The following ERC1 variants were observed in gnomAD, a reference collection of about 807,000 sequenced individuals.
The protein encoded by ERC1 is ELKS/RAB6-interacting/CAST family member 1, also known as RAB6 interacting protein 2.
Under a neutral mutation model 132.0 loss-of-function variants are expected in ERC1, and 56 were observed. The observed-to-expected ratio is 0.42, with a 90% CI of 0.34 to 0.53. ERC1 has a LOEUF of 0.53. Among genes scored for constraint, ERC1 ranks in the 20% least tolerant of loss-of-function variants. The probability of loss-of-function intolerance (pLI) is 0.03; values close to 1 mark genes in which losing one functional copy is unlikely to be tolerated. For missense variants in ERC1, 1,202 were observed against 1,349.9 expected, an observed-to-expected ratio of 0.89 and a Z score of 1.72; for synonymous variants, 478 against 476.1, an observed-to-expected ratio of 1.00 and a Z score of -0.05.
At chr12:1,451,820 A>C (rs531598536) in intron 18 of ERC1, among the ~76,000 whole-genome samples, 119 of 152,264 alleles carry the variant, frequency 7.8e-4, no homozygotes, top group African/African-American at 2.7e-3. Flanking sequence ...TCAGTACCTC[A>C]AAGTGTGACG....
At chr12:1,440,399 G>A (rs1342739305) in intron 17 of ERC1, among the ~76,000 whole-genome samples, 27 of 150,262 alleles carry the variant, frequency 1.8e-4, no homozygotes, top group Admixed American at 3.3e-4. Flanking sequence ...GTAGAGACGG[G>A]GTTTCACCGT....
chr12:1,366,624 A>AAGAG (rs1417266266), intron 15 of ERC1, among the ~76,000 whole-genome samples: 2 of 152,220 alleles, frequency 1.3e-5, no homozygotes, highest in African/African-American at 4.8e-5. Context: ...TTGCTATGGC[A>AAGAG]AGAGACCTAA....
At chr12:1,423,400 T>G (rs2092500321) in intron 17 of ERC1, among the ~76,000 whole-genome samples, 2 of 152,258 alleles carry the variant, frequency 1.3e-5, no homozygotes, top group African/African-American at 4.8e-5. Flanking sequence ...TTTGTTTATC[T>G]TTTAACAGCT....
intron 2 of ERC1, among the ~76,000 whole-genome samples, chr12:1,060,461 A>G (rs144396292): frequency 9.6e-4 from 146 of 152,210 alleles, no homozygotes; most frequent in South Asian, 1.7e-3. Context: ...TTTACTGAGA[A>G]TGATGGTTTC....
At chr12:1,474,722 C>T (rs1361038219) in intron 18 of ERC1, among the ~76,000 whole-genome samples, 1 of 152,126 alleles carries the variant, frequency 6.6e-6, no homozygotes, top group African/African-American at 2.4e-5. Context: ...GGCAGTTATC[C>T]TAACACTCAA....
At chr12:1,125,104 C>T (rs980788463) in intron 7 of ERC1, among the ~76,000 whole-genome samples, 2 of 152,118 alleles carry the variant, frequency 1.3e-5, no homozygotes, top group African/African-American at 4.8e-5. Flanking sequence ...ATGTGATTCT[C>T]CTGTCCCAGC....
chr12:1,309,207 A>G (rs1485237440), intron 15 of ERC1, among the ~76,000 whole-genome samples: 1 of 152,250 alleles, frequency 6.6e-6, no homozygotes, highest in Non-Finnish European at 1.5e-5. Flanking sequence ...CAAAAACTCA[A>G]TTTCGAAGAG....
At chr12:1,057,932 A>G (rs1341879918) in intron 2 of ERC1, among the ~76,000 whole-genome samples, 1 of 151,958 alleles carries the variant, frequency 6.6e-6, no homozygotes, top group Non-Finnish European at 1.5e-5. Flanking sequence ...GGTGTGTAGG[A>G]TTATTAGATT....
intron 7 of ERC1, among the ~76,000 whole-genome samples, chr12:1,138,681 A>G (rs1164711146): frequency 6.6e-6 from 1 of 152,084 alleles, no homozygotes; most frequent in Non-Finnish European, 1.5e-5. Flanking sequence ...AGAAAGAAGG[A>G]AAGTATAGTA....
chr12:1,438,971 A>ATATATATATATATATAT (rs879572392), intron 17 of ERC1, among the ~76,000 whole-genome samples: 4 of 144,436 alleles, frequency 2.8e-5, no homozygotes, highest in African/African-American at 1.1e-4. Context: ...ATATATATAT[A>ATATATATATATATATAT]AAAAATGACA....
At chr12:1,435,732 TCA>T (rs2092929247) in intron 17 of ERC1, among the ~76,000 whole-genome samples, 1 of 152,190 alleles carries the variant, frequency 6.6e-6, no homozygotes, top group African/African-American at 2.4e-5. Flanking sequence ...CAACCATTTC[TCA>T]CCTGCTGAAG....
At chr12:1,066,693 C>T (rs772105567) in intron 2 of ERC1, among the ~76,000 whole-genome samples, 2 of 151,850 alleles carry the variant, frequency 1.3e-5, no homozygotes, top group Non-Finnish European at 2.9e-5. Flanking sequence ...AAAAATTATC[C>T]GGGTGTGGTG....
chr12:1,461,846 A>T (rs2093651287), intron 18 of ERC1, among the ~76,000 whole-genome samples: 1 of 152,304 alleles, frequency 6.6e-6, no homozygotes, highest in South Asian at 2.1e-4. Context: ...AACTTAAGAG[A>T]ACAAAATGGT....
intron 14 of ERC1, among the ~76,000 whole-genome samples, chr12:1,278,721 T>C (rs930590124): frequency 2.6e-5 from 4 of 152,320 alleles, no homozygotes; most frequent in Middle Eastern, 3.4e-3. Context: ...TTTAAAGTTA[T>C]ATTCATCCCT....
intron 3 of ERC1, 94 bp downstream of exon 3, chr12:1,083,674 G>C: frequency 1.0e-6 from 1 of 962,008 alleles, no homozygotes; most frequent in Non-Finnish European, 1.6e-6. Context: ...TACGTGCTCT[G>C]CCGTGCTGGT....
chr12:1,431,477 A>G (rs1356721231), intron 17 of ERC1, among the ~76,000 whole-genome samples: 1 of 152,202 alleles, frequency 6.6e-6, no homozygotes, highest in Non-Finnish European at 1.5e-5. Flanking sequence ...ATCTTGATCA[A>G]TTTATACATG....
At chr12:1,021,516 G>A (rs1966365894) in intron 1 of ERC1, among the ~76,000 whole-genome samples, 1 of 151,800 alleles carries the variant, frequency 6.6e-6, no homozygotes, top group Admixed American at 6.6e-5. Flanking sequence ...TGGCTAACAT[G>A]GTGAAACCCC....
chr12:1,096,867 C>G (rs1944103588), intron 3 of ERC1, among the ~76,000 whole-genome samples: 1 of 152,186 alleles, frequency 6.6e-6, no homozygotes, highest in South Asian at 2.1e-4. Flanking sequence ...AGCCAGAACT[C>G]TCCCTTCCCT....
chr12:1,354,977 C>T lies in ERC1; in HGVS notation c.2781-16856C>T, dbSNP rs187110700. On this transcript the variant is annotated intron_variant, in intron 15 of 18. Coordinates refer to ENST00000360905, the MANE Select transcript of ERC1 (RefSeq NM_178040.4). ...ACTTCCCAAACTGTTTTCTCTTGTA[C>T]TAGTATCCCTCAAGGTGGTAAGTGA... Among the ~76,000 whole-genome samples, 14 of 152,290 alleles carry T rather than the reference C, an allele frequency of 9.2e-5. No homozygotes were observed. In the East Asian group the frequency reaches 2.3e-3, roughly 25 times the overall value.
Sources: allele counts gnomAD v4.1 joint callset (sites outside exome capture counted in the v4.1 genomes callset), GRCh38; gene constraint gnomAD v4.1.1; transcripts MANE v1.5; gene names NCBI Gene and HGNC (gene_info 2026-07-23, HGNC 2026-07-21).